Variants in CHMP2B observed in about 807,000 individuals in gnomAD.
The protein encoded by CHMP2B is charged multivesicular body protein 2B.
In CHMP2B, 22 loss-of-function variants were observed where a neutral mutation model predicts 29.8. That is an observed-to-expected ratio of 0.74 (90% CI 0.53 to 1.05). The LOEUF (loss-of-function observed/expected upper bound fraction) is 1.05, where lower values mean the gene tolerates loss of function less well. CHMP2B is among the 50% of genes least tolerant of loss of function. The pLI is 0.00. For synonymous variants in CHMP2B, 78 were observed against 75.8 expected (o/e 1.03, Z -0.15); for missense variants, 261 against 252.2 (o/e 1.03, Z -0.24).
chr3:87,241,117 A>G (rs1327153868), intron 2 of CHMP2B, among the ~76,000 whole-genome samples: 2 of 152,216 alleles, frequency 1.3e-5, no homozygotes, highest in Non-Finnish European at 2.9e-5. Flanking sequence ...CATGGAAAAC[A>G]AAGGAAGGTT....
Position 87,245,709 on chromosome 3 carries a change from CTTAGGAA to C in CHMP2B, c.127_133del (p.Glu43LysfsTer17). 6.2e-7 allele frequency: 1 copy of C among 1,609,718 alleles called. No homozygotes were observed. Among genetic ancestry groups the C allele is most frequent in the Non-Finnish European group, 8.5e-7 (1 of 1,176,728 alleles). ...TTATTTTCTTTTGTTTGTTTCTTCT[CTTAGGAA>C]TTAGAAATTAAGAAAATGGCCAAGA... On this transcript the variant is annotated splice_acceptor_variant and splice_polypyrimidine_tract_variant and coding_sequence_variant and intron_variant, in exon 3 of 6. Transcript: ENST00000263780. LOFTEE classifies it high-confidence loss of function.
chr3:87,246,312 A>G (rs1029485336), intron 3 of CHMP2B, among the ~76,000 whole-genome samples: 2 of 151,694 alleles, frequency 1.3e-5, no homozygotes, highest in African/African-American at 2.4e-5. Flanking sequence ...TAATTTTTGT[A>G]TTTTTAGTAG....
In CHMP2B at chr3:87,237,528, C is replaced by T. The variant is rs575024882; in HGVS notation, c.35-3171C>T. ...TTCATTGTTTAAGCCATCTACTTTGCGATATTTCATTGTGGCAGCCCTGGC... is the reference window on the plus strand; with the variant it reads ...TTCATTGTTTAAGCCATCTACTTTGTGATATTTCATTGTGGCAGCCCTGGC... On this transcript the variant is annotated intron_variant, in intron 1 of 5. Transcript: ENST00000263780. Among the ~76,000 whole-genome samples the T allele has an allele frequency of 3.3e-5, 5 of 152,256 alleles. No individual in the cohort carries two copies. In the South Asian group the frequency reaches 8.3e-4, roughly 25 times the overall value.
At chr3:87,240,440 A>G (rs1201785436) in intron 1 of CHMP2B, 2 of 354,598 alleles carry the variant, frequency 5.6e-6, no homozygotes, top group Non-Finnish European at 1.1e-5. Flanking sequence ...CCTACCGAGT[A>G]GCTCGGATTA....
rs1487639490 is a variant in CHMP2B at position 87,246,631 on chromosome 3, TAAG to T, written c.321+726_321+728del. Among the ~76,000 whole-genome samples the T allele has an allele frequency of 2.0e-5, 3 of 152,324 alleles. No homozygotes were observed. The South Asian group carries it at 6.2e-4, about 32-fold the overall frequency. ...ATGTGTGAGAAGGTCACATGAATAA[TAAG>T]AAAGATTTATCAGAATGTTTGTCTA... On this transcript the variant is annotated intron_variant, in intron 3 of 5. Transcript: ENST00000263780.
At chr3:87,245,619 G>A in intron 2 of CHMP2B, 95 bp from the exon 3 acceptor site, 2 of 991,400 alleles carry the variant, frequency 2.0e-6, no homozygotes, top group Non-Finnish European at 3.1e-6. Context: ...GGGGACAAAG[G>A]GTCTGTTATG....
At chr3:87,244,037 G>GT (rs1222771331) in intron 2 of CHMP2B, among the ~76,000 whole-genome samples, 1 of 135,876 alleles carries the variant, frequency 7.4e-6, no homozygotes, top group East Asian at 2.1e-4. Context: ...TTTTTTTTTT[G>GT]TTTTTTGTTT....
intron 5 of CHMP2B, 70 bp from the exon 6 acceptor site, chr3:87,253,642 C>T: frequency 7.1e-7 from 1 of 1,404,142 alleles, no homozygotes; most frequent in Non-Finnish European, 1.0e-6. Context: ...GACCTCTTTA[C>T]AGCACATCCT....
intron 4 of CHMP2B, 33 bp from the exon 5 acceptor site, chr3:87,253,371 T>G (rs780751677): frequency 3.2e-6 from 4 of 1,259,464 alleles, no homozygotes; most frequent in Non-Finnish European, 4.7e-6. Context: ...TGTTTGAAAG[T>G]AACTGCTTTG....
chr3:87,227,381 T>G lies in CHMP2B; in HGVS notation c.-142T>G. ...GCGGATACAAGCCTTCCGCGGGTCCTGCCTGGCGACCCCGACCTCCTCCTG... is the reference window on the plus strand; with the variant it reads ...GCGGATACAAGCCTTCCGCGGGTCCGGCCTGGCGACCCCGACCTCCTCCTG... On this transcript the variant is annotated 5_prime_UTR_variant, in exon 1 of 6. Coordinates refer to ENST00000263780, the MANE Select transcript of CHMP2B (RefSeq NM_014043.4). The G allele has an allele frequency of 1.1e-6, 1 of 890,622 alleles. No individual in the cohort carries two copies. Among genetic ancestry groups the G allele is most frequent in the Middle Eastern group, 2.3e-4 (1 of 4,426 alleles). The allele number at this position is 890,622 out of a possible 1,614,324, so 55.2% of individuals were successfully genotyped here.
At chr3:87,236,353 A>C (rs1706007830) in intron 1 of CHMP2B, among the ~76,000 whole-genome samples, 1 of 152,196 alleles carries the variant, frequency 6.6e-6, no homozygotes, top group Non-Finnish European at 1.5e-5. Flanking sequence ...CAAGGGTTTT[A>C]GGCCCTCTGT....
chr3:87,231,616 G>A (rs1219601526), intron 1 of CHMP2B, among the ~76,000 whole-genome samples: 2 of 152,052 alleles, frequency 1.3e-5, no homozygotes, highest in African/African-American at 2.4e-5. Flanking sequence ...TTAATAATGC[G>A]TGTATGGCTC....
Position 87,240,677 on chromosome 3 carries a change from GTTTCT to G in CHMP2B, c.35-18_35-14del. ...AAAATTTTACAACCCATAAATTTAGGTTTCTTTTGTGATTCTCCTAGATGTAATAA... is the reference window on the plus strand; with the variant it reads ...AAAATTTTACAACCCATAAATTTAGGTTTGTGATTCTCCTAGATGTAATAA... On this transcript the variant is annotated splice_polypyrimidine_tract_variant and intron_variant, in intron 1 of 5. Transcript: ENST00000263780. 6.6e-7 allele frequency: 1 copy of G among 1,514,266 alleles called. No homozygotes were observed. The highest frequency in any genetic ancestry group is 9.2e-7 in the Non-Finnish European group (1 of 1,089,530). 93.8% of individuals were successfully genotyped at this position (1,514,266 alleles called of 1,614,324 possible). A position where few individuals can be genotyped will look rare whatever the true frequency, so the allele number is the denominator to read the frequency against.
Position 87,254,681 on chromosome 3 carries a change from A to G in CHMP2B, c.*859A>G, listed in dbSNP as rs1448357741. On this transcript the variant is annotated 3_prime_UTR_variant, in exon 6 of 6. Transcript: ENST00000263780. ...AATTGAATATAATTAGTAAAAATAGACGATGAATAAATAACACTTTATAGT... is the reference window on the plus strand; with the variant it reads ...AATTGAATATAATTAGTAAAAATAGGCGATGAATAAATAACACTTTATAGT... 2 of 151,952 alleles carry G rather than the reference A, an allele frequency of 1.3e-5. No individual in the cohort carries two copies. The highest frequency in any genetic ancestry group is 2.9e-5 in the Non-Finnish European group (2 of 67,898). 9.4% of individuals were successfully genotyped at this position (151,952 alleles called of 1,614,324 possible).
At chr3:87,240,822 T>G in intron 2 of CHMP2B, 32 bp downstream of exon 2, 1 of 1,542,424 alleles carries the variant, frequency 6.5e-7, no homozygotes, top group East Asian at 2.2e-5. Flanking sequence ...AGTTTAACTT[T>G]TCAAACAAAT....
chr3:87,250,649 A>G (rs1237574334), intron 4 of CHMP2B, among the ~76,000 whole-genome samples: 2 of 151,966 alleles, frequency 1.3e-5, no homozygotes, highest in African/African-American at 4.8e-5. Context: ...AAGTCTTTTT[A>G]AAAAATAGCT....
intron 1 of CHMP2B, among the ~76,000 whole-genome samples, chr3:87,239,988 A>G (rs1706086303): frequency 6.6e-6 from 1 of 152,148 alleles, no homozygotes; most frequent in South Asian, 2.1e-4. Context: ...AACCAAACAG[A>G]TTTAATAAAC....
chr3:87,251,076 A>G (rs1054456873), intron 4 of CHMP2B, among the ~76,000 whole-genome samples: 5 of 151,964 alleles, frequency 3.3e-5, no homozygotes, highest in Non-Finnish European at 7.4e-5. Context: ...CTTATCTGCT[A>G]TCATTTTAGT....
At chr3:87,246,005 AT>A (rs1706205852) in intron 3 of CHMP2B, 97 bp downstream of exon 3, 1 of 927,516 alleles carries the variant, frequency 1.1e-6, no homozygotes, top group African/African-American at 1.7e-5. Context: ...CCTGGTGTAT[AT>A]GTGATACAAA....
Sources: gnomAD v4.1 joint callset for allele counts (sites outside exome capture counted in the v4.1 genomes callset) on GRCh38, gnomAD v4.1.1 for gene constraint, MANE v1.5 for transcripts, NCBI Gene and HGNC (gene_info 2026-07-23, HGNC 2026-07-21) for gene names.